Variants in HS2ST1 observed in about 807,000 individuals in gnomAD.
HS2ST1 encodes heparan sulfate 2-O-sulfotransferase 1.
In HS2ST1, 18 loss-of-function variants were observed where a neutral mutation model predicts 42.9. The observed-to-expected ratio is 0.42, with a 90% CI of 0.29 to 0.62. The LOEUF (loss-of-function observed/expected upper bound fraction) is 0.62. HS2ST1 is among the 20% of genes least tolerant of loss of function. The probability of loss-of-function intolerance (pLI) is 0.21; values close to 1 mark genes in which losing one functional copy is unlikely to be tolerated. For missense variants in HS2ST1, 334 were observed against 433.8 expected, an observed-to-expected ratio of 0.77 and a Z score of 2.04; for synonymous variants, 146 against 152.9, an observed-to-expected ratio of 0.95 and a Z score of 0.33.
At chr1:87,044,105 A>C (rs765241572) in intron 1 of HS2ST1, among the ~76,000 whole-genome samples, 1 of 152,114 alleles carries the variant, frequency 6.6e-6, no homozygotes, top group African/African-American at 2.4e-5. Context: ...TTAGTCACAT[A>C]ATTTTGAAAT....
chr1:87,102,419 C>T (rs1652235486), intron 5 of HS2ST1, among the ~76,000 whole-genome samples: 1 of 152,110 alleles, frequency 6.6e-6, no homozygotes, highest in South Asian at 2.1e-4. Flanking sequence ...CAGTCATCAC[C>T]AAGGGGATGG....
chr1:86,939,668 T>C (rs1278094709), intron 1 of HS2ST1, among the ~76,000 whole-genome samples: 1 of 152,214 alleles, frequency 6.6e-6, no homozygotes, highest in Admixed American at 6.5e-5. Flanking sequence ...TCAGTTCCTA[T>C]GTGCACTAAG....
At chr1:86,990,836 A>ATTT (rs55739816) in intron 1 of HS2ST1, among the ~76,000 whole-genome samples, 2 of 44,232 alleles carry the variant, frequency 4.5e-5, no homozygotes, top group African/African-American at 1.6e-4. Context: ...ATATATATAT[A>ATTT]TTTTTTTTTT....
chr1:86,955,331 A>C (rs1437796695), intron 1 of HS2ST1, among the ~76,000 whole-genome samples: 4 of 152,176 alleles, frequency 2.6e-5, no homozygotes, highest in Non-Finnish European at 5.9e-5. Flanking sequence ...AGCACCTGGC[A>C]GTGGCATTAG....
At chr1:87,093,218 C>A (rs769543308) in intron 4 of HS2ST1, among the ~76,000 whole-genome samples, 1 of 152,050 alleles carries the variant, frequency 6.6e-6, no homozygotes, top group Non-Finnish European at 1.5e-5. Context: ...TTTACTGGGA[C>A]TTCATGCTCA....
At chr1:87,020,460 C>T (rs189906831) in intron 1 of HS2ST1, among the ~76,000 whole-genome samples, 1 of 152,294 alleles carries the variant, frequency 6.6e-6, no homozygotes, top group East Asian at 1.9e-4. Context: ...CTCTACTGCA[C>T]TTTTATCTCA....
chr1:87,017,111 T>A (rs1012905418), intron 1 of HS2ST1, among the ~76,000 whole-genome samples: 1 of 151,986 alleles, frequency 6.6e-6, no homozygotes, highest in African/African-American at 2.4e-5. Context: ...AAAATTTGTG[T>A]CTAGTGTAGC....
intron 1 of HS2ST1, among the ~76,000 whole-genome samples, chr1:86,932,839 G>A (rs1014000611): frequency 6.6e-6 from 1 of 152,104 alleles, no homozygotes; most frequent in African/African-American, 2.4e-5. Context: ...TAATTATAAT[G>A]TGCTCGTAAA....
intron 1 of HS2ST1, among the ~76,000 whole-genome samples, chr1:87,058,262 CTG>C (rs138096727): frequency 0.024 from 3,711 of 151,730 alleles, 102 homozygotes; most frequent in South Asian, 0.056. Flanking sequence ...CCTAAACTGC[CTG>C]TGTCTTTACT....
chr1:86,946,780 A>G (rs1016706497), intron 1 of HS2ST1, among the ~76,000 whole-genome samples: 2 of 152,218 alleles, frequency 1.3e-5, no homozygotes, highest in Admixed American at 1.3e-4. Flanking sequence ...GATGTGTACC[A>G]TAAAGCTATC....
intron 1 of HS2ST1, among the ~76,000 whole-genome samples, chr1:86,923,759 G>A (rs1660353662): frequency 6.6e-6 from 1 of 152,132 alleles, no homozygotes; most frequent in Non-Finnish European, 1.5e-5. Context: ...GGAACAGCAT[G>A]GGAAAGACTT....
rs1650671810 is a variant in HS2ST1 at position 87,046,547 on chromosome 1, C to T, written c.125-26387C>T. 3 of 1,560,034 alleles carry T rather than the reference C, an allele frequency of 1.9e-6. No individual in the cohort carries two copies. In the African/African-American group the frequency reaches 4.1e-5, roughly 21 times the overall value. ...GCTTTTTAAAGATGACATCAGGTAT[C>T]TGTTGATAATGGACAAACTATGGCG... is the stretch of plus-strand genomic sequence containing the variant. On this transcript the variant is annotated intron_variant, in intron 1 of 6. Coordinates refer to ENST00000370550, the MANE Select transcript of HS2ST1 (RefSeq NM_012262.4).
At chr1:87,100,749 C>T (rs1652178092) in intron 5 of HS2ST1, among the ~76,000 whole-genome samples, 1 of 152,104 alleles carries the variant, frequency 6.6e-6, no homozygotes, top group Admixed American at 6.5e-5. Context: ...GCCTGGGCAA[C>T]CTCATCTCTA....
chr1:86,927,966 A>C (rs1030433639), intron 1 of HS2ST1, among the ~76,000 whole-genome samples: 6 of 152,260 alleles, frequency 3.9e-5, no homozygotes, highest in African/African-American at 1.4e-4. Flanking sequence ...AATGAATTGT[A>C]CATCAAATAC....
chr1:86,989,856 T>C (rs1648892057), intron 1 of HS2ST1, among the ~76,000 whole-genome samples: 1 of 152,122 alleles, frequency 6.6e-6, no homozygotes, highest in African/African-American at 2.4e-5. Flanking sequence ...TTGCTGAGAA[T>C]GATGGTTTCC....
At chr1:87,045,156 A>T (rs949255825) in intron 1 of HS2ST1, 3 of 865,384 alleles carry the variant, frequency 3.5e-6, no homozygotes, top group African/African-American at 1.7e-5. Flanking sequence ...GCCATTGGTT[A>T]TGCTTTTGGC....
chr1:87,056,935 C>T (rs1650985929), intron 1 of HS2ST1, among the ~76,000 whole-genome samples: 1 of 152,008 alleles, frequency 6.6e-6, no homozygotes. Flanking sequence ...AAGAATATTT[C>T]CAATTATTTG....
At chr1:86,939,871 A>C (rs1011264511) in intron 1 of HS2ST1, among the ~76,000 whole-genome samples, 9 of 152,250 alleles carry the variant, frequency 5.9e-5, no homozygotes, top group Non-Finnish European at 1.3e-4. Context: ...TTTGGCCAAA[A>C]GACCAAAAAG....
chr1:87,069,857 T>G (rs1404337749), intron 1 of HS2ST1, among the ~76,000 whole-genome samples: 1 of 152,236 alleles, frequency 6.6e-6, no homozygotes. Context: ...AATTACTTTT[T>G]AAAAACATAT....
Sources: gnomAD v4.1 joint callset for allele counts (sites outside exome capture counted in the v4.1 genomes callset) on GRCh38, gnomAD v4.1.1 for gene constraint, MANE v1.5 for transcripts, NCBI Gene and HGNC (gene_info 2026-07-23, HGNC 2026-07-21) for gene names.